CDC123: variants seen among roughly 807,000 people sequenced by gnomAD.
CDC123 encodes translation initiation factor eIF2 assembly protein.
Under a neutral mutation model 54.4 loss-of-function variants are expected in CDC123, and 37 were observed. The ratio of observed to expected loss-of-function variants is 0.68; its 90% CI spans 0.52 to 0.89. The LOEUF (loss-of-function observed/expected upper bound fraction) is 0.89, where lower values mean the gene tolerates loss of function less well. CDC123 is among the 40% of genes least tolerant of loss of function. The probability of loss-of-function intolerance (pLI) is 0.00; values close to 1 mark genes in which losing one functional copy is unlikely to be tolerated. For synonymous variants in CDC123, 144 were observed against 136.8 expected (o/e 1.05, Z -0.37); for missense variants, 361 against 412.1 (o/e 0.88, Z 1.07).
intron 7 of CDC123, among the ~76,000 whole-genome samples, chr10:12,232,709 G>A (rs1365110611): frequency 6.6e-6 from 1 of 151,934 alleles, no homozygotes; most frequent in Non-Finnish European, 1.5e-5. Flanking sequence ...ATTGCTTCAC[G>A]CAACGAACAT....
intron 6 of CDC123, among the ~76,000 whole-genome samples, chr10:12,218,998 A>G (rs1041995692): frequency 4.6e-5 from 7 of 152,222 alleles, no homozygotes; most frequent in African/African-American, 1.7e-4. Flanking sequence ...AGCATATCCC[A>G]GAACCTAGAA....
chr10:12,225,659 A>C (rs1325931252), intron 6 of CDC123, among the ~76,000 whole-genome samples: 3 of 151,194 alleles, frequency 2.0e-5, no homozygotes, highest in Non-Finnish European at 2.9e-5. Flanking sequence ...GAAATCACCC[A>C]ATACCATCTG....
intron 10 of CDC123, among the ~76,000 whole-genome samples, chr10:12,244,410 C>G (rs1413085746): frequency 6.6e-6 from 1 of 152,246 alleles, no homozygotes; most frequent in African/African-American, 2.4e-5. Context: ...AATAGGTGTT[C>G]GTGATCGGAT....
intron 2 of CDC123, among the ~76,000 whole-genome samples, chr10:12,201,182 T>C (rs1835434885): frequency 6.6e-6 from 1 of 152,230 alleles, no homozygotes; most frequent in African/African-American, 2.4e-5. Flanking sequence ...GAACTTACTT[T>C]GTAGGGTCAT....
intron 6 of CDC123, among the ~76,000 whole-genome samples, chr10:12,229,992 CAG>C (rs1327138566): frequency 2.6e-5 from 4 of 152,172 alleles, no homozygotes; most frequent in South Asian, 2.1e-4. Context: ...CGTTGAGAAT[CAG>C]GGGTTAGACA....
At chr10:12,216,041 A>G (rs2131740789) in intron 5 of CDC123, among the ~76,000 whole-genome samples, 1 of 152,338 alleles carries the variant, frequency 6.6e-6, no homozygotes, top group South Asian at 2.1e-4. Flanking sequence ...ATATTCTGCC[A>G]AAAGGTAGTT....
At chr10:12,250,111 AAG>A in intron 12 of CDC123, 198 bp from the exon 13 acceptor site, 1 of 497,972 alleles carries the variant, frequency 2.0e-6, no homozygotes, top group Non-Finnish European at 3.5e-6. Flanking sequence ...GTATGGAAGA[AAG>A]AGAAGAAAAT....
intron 6 of CDC123, among the ~76,000 whole-genome samples, chr10:12,224,818 G>C (rs1835784922): frequency 6.6e-6 from 1 of 152,142 alleles, no homozygotes; most frequent in Non-Finnish European, 1.5e-5. Context: ...TCTTGAGACG[G>C]AGCCTTTTTG....
At chr10:12,198,381 C>T (rs1374374119) in intron 1 of CDC123, among the ~76,000 whole-genome samples, 5 of 152,182 alleles carry the variant, frequency 3.3e-5, no homozygotes, top group Non-Finnish European at 1.5e-5. Flanking sequence ...CAAATATCTG[C>T]TGGTCTCTGA....
chr10:12,216,861 G>A (rs1835670774), intron 5 of CDC123, among the ~76,000 whole-genome samples: 1 of 152,140 alleles, frequency 6.6e-6, no homozygotes, highest in South Asian at 2.1e-4. Flanking sequence ...ATTTAAAGTT[G>A]TAGTGGTTCA....
At chr10:12,237,879 A>G (rs1836000809) in intron 9 of CDC123, among the ~76,000 whole-genome samples, 1 of 152,258 alleles carries the variant, frequency 6.6e-6, no homozygotes, top group African/African-American at 2.4e-5. Context: ...TGAATGATCA[A>G]AGACAGCACC....
At chr10:12,238,622 T>TGGGAGG (rs1836010575) in intron 10 of CDC123, 137 bp downstream of exon 10, 25 of 1,022,782 alleles carry the variant, frequency 2.4e-5, no homozygotes, top group Non-Finnish European at 3.2e-5. Flanking sequence ...ATGCCTGTAT[T>TGGGAGG]CCCAGCACTT....
rs141781718 is a variant in CDC123, at chr10:12,199,924, G to A, written c.146+1148G>A. Among the ~76,000 whole-genome samples the A allele has an allele frequency of 4.7e-3, 712 of 151,824 alleles. 5 individuals are homozygous for A. Among genetic ancestry groups the A allele is most frequent in the African/African-American group, 0.016 (678 of 41,372 alleles). ...TTCAAGGTCTGCCTCCCGGGTTCAC[G>A]CTATTCTCCTGCCTCAGCCTCCAAG... On this transcript the variant is annotated intron_variant, in intron 2 of 12. Transcript: ENST00000281141.
At chr10:12,229,057 G>A (rs936905992) in intron 6 of CDC123, among the ~76,000 whole-genome samples, 3 of 152,006 alleles carry the variant, frequency 2.0e-5, no homozygotes, top group Admixed American at 6.6e-5. Flanking sequence ...TCTTGCCTCC[G>A]CCTCTACGCT....
At chr10:12,203,262 T>G (rs751157895) in intron 2 of CDC123, among the ~76,000 whole-genome samples, 66 of 152,240 alleles carry the variant, frequency 4.3e-4, no homozygotes, top group Non-Finnish European at 7.6e-4. Context: ...CCACATATAG[T>G]ACATGCCTTT....
intron 6 of CDC123, among the ~76,000 whole-genome samples, chr10:12,221,473 A>G (rs1301775760): frequency 1.3e-5 from 2 of 152,212 alleles, no homozygotes; most frequent in African/African-American, 4.8e-5. Context: ...GAACGAGTAA[A>G]GCATTCCTGG....
chr10:12,203,524 C>T (rs1002727981), intron 2 of CDC123, among the ~76,000 whole-genome samples: 1 of 152,024 alleles, frequency 6.6e-6, no homozygotes, highest in African/African-American at 2.4e-5. Flanking sequence ...ATCCAGGGTT[C>T]GGTGAGAAAG....
Position 12,215,866 on chromosome 10 carries a change from T to C in CDC123, c.333+31T>C, listed in dbSNP as rs757963351. 10 of 1,381,798 alleles carry C rather than the reference T, an allele frequency of 7.2e-6. No individual in the cohort carries two copies. The East Asian group carries it at 1.2e-4, about 17-fold the overall frequency. 85.6% of individuals were successfully genotyped at this position (1,381,798 alleles called of 1,614,324 possible). Reference sequence around the variant, plus strand: ...AACACATAAGTAATTCTCTTACTGTTTGAATATTCTTTGTTTTGCTGTTTA... The same window carrying C: ...AACACATAAGTAATTCTCTTACTGTCTGAATATTCTTTGTTTTGCTGTTTA... On this transcript the variant is annotated intron_variant, in intron 5 of 12. Transcript: ENST00000281141.
intron 6 of CDC123, among the ~76,000 whole-genome samples, chr10:12,220,909 G>A (rs189094971): frequency 0.025 from 3,773 of 151,948 alleles, 82 homozygotes; most frequent in Non-Finnish European, 0.035. Flanking sequence ...CCCGGGAGGC[G>A]GAGCTTGCAG....
Sources: allele counts gnomAD v4.1 joint callset (sites outside exome capture counted in the v4.1 genomes callset), GRCh38; gene constraint gnomAD v4.1.1; transcripts MANE v1.5; gene names NCBI Gene and HGNC (gene_info 2026-07-23, HGNC 2026-07-21).